UNC13A: variants seen among roughly 807,000 people sequenced by gnomAD.
UNC13A encodes protein unc-13 homolog A.
Under a neutral mutation model 219.7 loss-of-function variants are expected in UNC13A, and 61 were observed. The ratio of observed to expected loss-of-function variants is 0.28; its 90% CI spans 0.23 to 0.34. The LOEUF (loss-of-function observed/expected upper bound fraction) is 0.34. Ranked by LOEUF, UNC13A falls within the 10% of genes least tolerant of loss-of-function variation. The pLI is 1.00. For missense variants in UNC13A, 1,476 were observed against 2,270.3 expected, an observed-to-expected ratio of 0.65 and a Z score of 7.11; for synonymous variants, 920 against 884.6, an observed-to-expected ratio of 1.04 and a Z score of -0.71.
intron 8 of UNC13A, among the ~76,000 whole-genome samples, chr19:17,658,704 C>T (rs7247281): frequency 0.068 from 10,404 of 152,144 alleles, 923 homozygotes; most frequent in East Asian, 0.31. Flanking sequence ...GTGGACGGAA[C>T]GCTCTTTAAC....
chr19:17,647,531 C>A, intron 16 of UNC13A, 39 bp from the exon 17 acceptor site: 1 of 1,587,100 alleles, frequency 6.3e-7, no homozygotes, highest in South Asian at 1.1e-5. Flanking sequence ...CCAGCGCGCC[C>A]TGCATAGTGG....
chr19:17,620,401 A>C lies in UNC13A; in HGVS notation c.4272+292T>G, dbSNP rs565948098. ...TCTTGTCTGTGATCCTGAGGTTCTT[A>C]CAAGGCACAGTTACTCAGGGGTCCA... On this transcript the variant is annotated intron_variant, in intron 38 of 43. Coordinates refer to ENST00000519716, the MANE Select transcript of UNC13A (RefSeq NM_001080421.3). Among the ~76,000 whole-genome samples the C allele has an allele frequency of 4.6e-5, 7 of 152,092 alleles. 1 individual carries two copies. In the South Asian group the frequency reaches 1.4e-3, roughly 32 times the overall value.
At chr19:17,657,627 C>G (rs2079480905) in intron 9 of UNC13A, among the ~76,000 whole-genome samples, 1 of 152,098 alleles carries the variant, frequency 6.6e-6, no homozygotes, top group Non-Finnish European at 1.5e-5. Flanking sequence ...TCTTCCCTGG[C>G]CAGCCTCGAG....
Position 17,673,445 on chromosome 19 carries a change from C to A in UNC13A, c.153-950G>T, listed in dbSNP as rs191428555. 1.6e-4 allele frequency among the ~76,000 whole-genome samples: 24 copies of A among 151,694 alleles called. No individual in the cohort carries two copies. In the East Asian group the frequency reaches 2.9e-3, roughly 18 times the overall value. ...TCCTGGCTCATGCCTATAATCCCAGCACTTTGGGAGGCCGAGGCGGGTGGA... is the reference window on the plus strand; with the variant it reads ...TCCTGGCTCATGCCTATAATCCCAGAACTTTGGGAGGCCGAGGCGGGTGGA... On this transcript the variant is annotated intron_variant, in intron 3 of 43. Coordinates refer to ENST00000519716, the MANE Select transcript of UNC13A (RefSeq NM_001080421.3).
At chr19:17,607,461 G>A (rs1160439939) in intron 43 of UNC13A, among the ~76,000 whole-genome samples, 1 of 57,788 alleles carries the variant, frequency 1.7e-5, no homozygotes, top group East Asian at 3.8e-4. Flanking sequence ...TGGGGGTGGC[G>A]GGGGGGGGGG....
At chr19:17,680,867 TTC>T (rs1337079202) in intron 1 of UNC13A, among the ~76,000 whole-genome samples, 9 of 110,884 alleles carry the variant, frequency 8.1e-5, no homozygotes, top group South Asian at 6.0e-4. Context: ...CTTCTTCTTC[TTC>T]TTTTTTTTTC....
chr19:17,630,265 G>A lies in UNC13A; in HGVS notation c.3549C>T (p.Ala1183=). The A allele has an allele frequency of 6.4e-7, 1 of 1,561,942 alleles. No homozygotes were observed. The highest frequency in any genetic ancestry group is 8.7e-7 in the Non-Finnish European group (1 of 1,152,850). The change falls in exon 30 of 44, where the codon GCC becomes GCT. Residue 1183 remains alanine (A), a synonymous_variant. Transcript: ENST00000519716. ...KDGFQQTSEH[A]LFSCSVVDVF... is the part of the protein sequence containing the mutation. ...CATCCACCACGGAGCAGGAGAATAGGGCATGCTCTGAGGTCTGCTGGAACT... is the reference window on the plus strand; with the variant it reads ...CATCCACCACGGAGCAGGAGAATAGAGCATGCTCTGAGGTCTGCTGGAACT...
chr19:17,625,929 CCATT>C (rs1307176828), intron 34 of UNC13A, among the ~76,000 whole-genome samples: 2 of 149,146 alleles, frequency 1.3e-5, no homozygotes, highest in African/African-American at 2.5e-5. Context: ...ATCCATCCAT[CCATT>C]CATCCATCCA....
At chr19:17,666,842 G>T in intron 6 of UNC13A, 138 bp from the exon 7 acceptor site, 4 of 429,390 alleles carry the variant, frequency 9.3e-6, no homozygotes, top group East Asian at 3.9e-5. Flanking sequence ...AAGGATACAG[G>T]GAGTAAGAGA....
chr19:17,678,404 G>A (rs1319622285), intron 1 of UNC13A, among the ~76,000 whole-genome samples: 1 of 152,048 alleles, frequency 6.6e-6, no homozygotes, highest in Non-Finnish European at 1.5e-5. Context: ...CCTTTAACCT[G>A]GAAGGCAGAG....
chr19:17,655,698 C>A (rs1167313690), intron 10 of UNC13A, among the ~76,000 whole-genome samples, 185 bp downstream of exon 10: 1 of 152,136 alleles, frequency 6.6e-6, no homozygotes, highest in South Asian at 2.1e-4. Flanking sequence ...GTCTCCTTCA[C>A]GGCCCCTTGA....
intron 1 of UNC13A, among the ~76,000 whole-genome samples, chr19:17,680,892 T>TTTTTTC (rs2080000539): frequency 1.2e-5 from 1 of 82,600 alleles, no homozygotes; most frequent in Non-Finnish European, 2.3e-5. Context: ...TTCTTTTCTT[T>TTTTTTC]TTTTTTTTTT....
chr19:17,676,933 G>A (rs1214166225), intron 1 of UNC13A, among the ~76,000 whole-genome samples: 1 of 152,120 alleles, frequency 6.6e-6, no homozygotes, highest in African/African-American at 2.4e-5. Flanking sequence ...AGAATCACTT[G>A]AACCCAGGAG....
chr19:17,609,784 C>T (rs770719132), intron 43 of UNC13A, among the ~76,000 whole-genome samples, 156 bp downstream of exon 43: 2 of 152,208 alleles, frequency 1.3e-5, no homozygotes, highest in Non-Finnish European at 2.9e-5. Flanking sequence ...TCCTGCACTA[C>T]TAAGGGGTCT....
At chr19:17,619,605 AT>A (rs909074773) in intron 38 of UNC13A, among the ~76,000 whole-genome samples, 2 of 151,222 alleles carry the variant, frequency 1.3e-5, no homozygotes, top group African/African-American at 4.9e-5. Context: ...AGTTTTTGAA[AT>A]TTTTTTCATA....
At chr19:17,675,198 G>A (rs1253017607) in intron 2 of UNC13A, among the ~76,000 whole-genome samples, 1 of 152,060 alleles carries the variant, frequency 6.6e-6, no homozygotes, top group Non-Finnish European at 1.5e-5. Flanking sequence ...GCTGGGTGCA[G>A]TGGTGCACGC....
intron 2 of UNC13A, among the ~76,000 whole-genome samples, chr19:17,675,097 G>A (rs971028979): frequency 2.6e-5 from 4 of 152,172 alleles, no homozygotes; most frequent in Admixed American, 6.5e-5. Context: ...GGAGGTCAAG[G>A]GGGGAGGATT....
At chr19:17,684,443 A>C (rs1242832697) in intron 1 of UNC13A, among the ~76,000 whole-genome samples, 3 of 152,200 alleles carry the variant, frequency 2.0e-5, no homozygotes, top group Non-Finnish European at 4.4e-5. Context: ...TGCCTGGTAT[A>C]CAGTAGGTGC....
intron 29 of UNC13A, 54 bp from the exon 30 acceptor site, chr19:17,630,342 T>C (rs2076829837): frequency 6.5e-7 from 1 of 1,546,386 alleles, no homozygotes; most frequent in Non-Finnish European, 8.7e-7. Context: ...AGAGAATCCC[T>C]AGAGCCCAAC....
Sources: allele counts gnomAD v4.1 joint callset (sites outside exome capture counted in the v4.1 genomes callset), GRCh38; gene constraint gnomAD v4.1.1; transcripts MANE v1.5; gene names NCBI Gene and HGNC (gene_info 2026-07-23, HGNC 2026-07-21).